Variants in ANO6 observed in about 807,000 individuals in gnomAD.
The protein encoded by ANO6 is anoctamin 6.
Under a neutral mutation model 117.5 loss-of-function variants are expected in ANO6, and 106 were observed. That is an observed-to-expected ratio of 0.90 (90% CI 0.77 to 1.06). The LOEUF (loss-of-function observed/expected upper bound fraction) is 1.06, where lower values mean the gene tolerates loss of function less well. Among genes scored for constraint, ANO6 ranks in the 50% least tolerant of loss-of-function variants. ANO6 has a pLI of 0.00. For missense variants in ANO6, 955 were observed against 1,121.1 expected (o/e 0.85, Z 2.12); for synonymous variants, 367 against 385.1 (o/e 0.95, Z 0.55).
At chr12:45,428,331 G>A (rs569671078) in intron 19 of ANO6, among the ~76,000 whole-genome samples, 2 of 152,292 alleles carry the variant, frequency 1.3e-5, no homozygotes, top group African/African-American at 4.8e-5. Flanking sequence ...AACAAAAGGT[G>A]GCCTGGCGTG....
intron 16 of ANO6, among the ~76,000 whole-genome samples, chr12:45,416,462 G>T (rs1943215976): frequency 6.6e-6 from 1 of 152,120 alleles, no homozygotes; most frequent in Non-Finnish European, 1.5e-5. Context: ...TAAATATATT[G>T]TTCCTATTAA....
intron 7 of ANO6, among the ~76,000 whole-genome samples, chr12:45,353,931 A>G (rs1941346338): frequency 7.0e-6 from 1 of 142,988 alleles, no homozygotes; most frequent in African/African-American, 3.0e-5. Flanking sequence ...TGAAGAAATT[A>G]TGCAGAGCAT....
rs1298153682 is a variant in ANO6, at chr12:45,331,439, A to G, written c.279+16A>G. On this transcript the variant is annotated intron_variant, in intron 3 of 19. Coordinates refer to ENST00000320560, the MANE Select transcript of ANO6 (RefSeq NM_001025356.3). ...AAAACAAAGGGTAAGTTTTTATGCTATTTTCCTTTCTTTTTATTTCTTATA... is the reference window on the plus strand; with the variant it reads ...AAAACAAAGGGTAAGTTTTTATGCTGTTTTCCTTTCTTTTTATTTCTTATA... 1.9e-6 allele frequency: 3 copies of G among 1,589,942 alleles called. No individual in the cohort carries two copies. Among genetic ancestry groups the G allele is most frequent in the African/African-American group, 2.7e-5 (2 of 74,152 alleles).
In ANO6 at chr12:45,422,438, C is replaced by A. The variant is rs1943388946; in HGVS notation, c.2421-519C>A. ...ATGGATTCTTTTCTACAAAGATGGACCATGTTATTACCATCATTCTCTGAT... is the reference window on the plus strand; with the variant it reads ...ATGGATTCTTTTCTACAAAGATGGAACATGTTATTACCATCATTCTCTGAT... On this transcript the variant is annotated intron_variant, in intron 18 of 19. Transcript: ENST00000320560. Among the ~76,000 whole-genome samples the A allele has an allele frequency of 2.6e-5, 4 of 152,076 alleles. No individual in the cohort carries two copies. In the South Asian group the frequency reaches 8.3e-4, roughly 32 times the overall value.
At chr12:45,238,751 G>A (rs571855041) in intron 1 of ANO6, among the ~76,000 whole-genome samples, 11 of 152,256 alleles carry the variant, frequency 7.2e-5, no homozygotes, top group South Asian at 2.1e-4. Context: ...TTAGCATGAA[G>A]GGCTGTTGAA....
chr12:45,226,156 A>G (rs1353272469), intron 1 of ANO6, among the ~76,000 whole-genome samples: 1 of 152,228 alleles, frequency 6.6e-6, no homozygotes, highest in East Asian at 1.9e-4. Context: ...CAGCCAAAAC[A>G]CATCAGATGG....
At position 45,377,143 on chromosome 12, in the gene ANO6, G is replaced by GTT. The variant is rs35290139; in HGVS notation, c.1105-897_1105-896dup. Among the ~76,000 whole-genome samples the GTT allele has an allele frequency of 5.7e-5, 8 of 140,340 alleles. No homozygotes were observed. The East Asian group carries it at 6.1e-4, about 11-fold the overall frequency. 92.1% of individuals were successfully genotyped at this position (140,340 alleles called of 152,430 possible). ...GAATTTTCTTTCAGCATTTGAAAAG[G>GTT]TTTTTTTTTTTTTTACCTATAGCTT... On this transcript the variant is annotated intron_variant, in intron 9 of 19. Coordinates refer to ENST00000320560, the MANE Select transcript of ANO6 (RefSeq NM_001025356.3).
intron 19 of ANO6, among the ~76,000 whole-genome samples, chr12:45,428,772 GAC>G (rs1161512246): frequency 2.0e-5 from 3 of 152,184 alleles, no homozygotes; most frequent in Non-Finnish European, 4.4e-5. Flanking sequence ...TAGAAAAAGA[GAC>G]ACAAAATACA....
At chr12:45,371,099 G>A (rs1408309490) in intron 9 of ANO6, among the ~76,000 whole-genome samples, 3 of 152,078 alleles carry the variant, frequency 2.0e-5, no homozygotes, top group Non-Finnish European at 2.9e-5. Context: ...AAGGGGTGAC[G>A]AACGGCACCT....
At chr12:45,286,897 A>C (rs1164108561) in intron 1 of ANO6, among the ~76,000 whole-genome samples, 1 of 152,182 alleles carries the variant, frequency 6.6e-6, no homozygotes, top group Non-Finnish European at 1.5e-5. Context: ...TCCCGTGGTT[A>C]GGAAGTGGTA....
intron 10 of ANO6, among the ~76,000 whole-genome samples, chr12:45,386,803 C>T (rs73281553): frequency 0.014 from 2,102 of 152,338 alleles, 39 homozygotes; most frequent in African/African-American, 0.047. Context: ...CCTTTGCATG[C>T]GCAGCTCCCT....
intron 1 of ANO6, among the ~76,000 whole-genome samples, chr12:45,285,727 CA>C (rs1204485374): frequency 2.0e-3 from 207 of 101,748 alleles, no homozygotes; most frequent in Middle Eastern, 5.2e-3. Context: ...GACTCCGTCT[CA>C]AAAAAAAAAA....
In ANO6 at chr12:45,431,540, A is replaced by G; in HGVS notation, c.*2229A>G. On this transcript the variant is annotated 3_prime_UTR_variant, in exon 20 of 20. Coordinates refer to ENST00000320560, the MANE Select transcript of ANO6 (RefSeq NM_001025356.3). Reference sequence around the variant, plus strand: ...TGCTGCTGTGGACAGGAGGGGAAAAAAAACCCTCTACATATTGAAAGGCAC... The same window carrying G: ...TGCTGCTGTGGACAGGAGGGGAAAAGAAACCCTCTACATATTGAAAGGCAC... 3.0e-6 allele frequency: 3 copies of G among 985,438 alleles called. No individual in the cohort carries two copies. Among genetic ancestry groups the G allele is most frequent in the Non-Finnish European group, 3.6e-6 (3 of 829,928 alleles). The allele number at this position is 985,438 out of a possible 1,614,324, so 61.0% of individuals were successfully genotyped here.
In ANO6 at chr12:45,241,898, T is replaced by C. The variant is rs570055344; in HGVS notation, c.70+25507T>C. ...AGTTGAGGCTGCAGAACTGCAAATA[T>C]TGCAGAACAGCAAATGTTGCTGCCT... On this transcript the variant is annotated intron_variant, in intron 1 of 19. Transcript: ENST00000320560. 9.8e-5 allele frequency among the ~76,000 whole-genome samples: 15 copies of C among 152,346 alleles called. No individual in the cohort carries two copies. In the South Asian group the frequency reaches 2.9e-3, roughly 29 times the overall value.
chr12:45,287,393 A>T (rs1938952063), intron 1 of ANO6, among the ~76,000 whole-genome samples: 2 of 152,188 alleles, frequency 1.3e-5, no homozygotes, highest in Admixed American at 1.3e-4. Flanking sequence ...TTCATCAGTG[A>T]TATGAAGGTA....
intron 12 of ANO6, among the ~76,000 whole-genome samples, chr12:45,394,321 A>G (rs1942548112): frequency 6.6e-6 from 1 of 152,232 alleles, no homozygotes; most frequent in South Asian, 2.1e-4. Context: ...ACATGTACCC[A>G]ATAAAGGAGC....
intron 1 of ANO6, 113 bp downstream of exon 1, chr12:45,216,504 C>A: frequency 8.2e-7 from 1 of 1,213,524 alleles, no homozygotes; most frequent in South Asian, 1.4e-5. Flanking sequence ...CCGAGACGCT[C>A]GGCCGCTCCG....
At chr12:45,279,529 A>G (rs1233266001) in intron 1 of ANO6, among the ~76,000 whole-genome samples, 3 of 152,190 alleles carry the variant, frequency 2.0e-5, no homozygotes, top group African/African-American at 7.2e-5. Context: ...TTTACAAGGC[A>G]TTTGATCACA....
intron 9 of ANO6, among the ~76,000 whole-genome samples, chr12:45,375,103 A>G (rs1460248601): frequency 6.6e-6 from 1 of 152,186 alleles, no homozygotes; most frequent in African/African-American, 2.4e-5. Flanking sequence ...TCCCATTCAC[A>G]ATTGCTTCAA....
Sources: gnomAD v4.1 joint callset for allele counts (sites outside exome capture counted in the v4.1 genomes callset) on GRCh38, gnomAD v4.1.1 for gene constraint, MANE v1.5 for transcripts, NCBI Gene and HGNC (gene_info 2026-07-23, HGNC 2026-07-21) for gene names.